The following LTF variants were observed in gnomAD, a reference collection of about 807,000 sequenced individuals.
LTF encodes the protein lactotransferrin.
LTF carries 91 observed loss-of-function variants against 87.2 expected under a neutral mutation model. That is an observed-to-expected ratio of 1.04 (90% confidence interval 0.88 to 1.24). The LOEUF is 1.24. Ranked by LOEUF, LTF falls within the 50% of genes most tolerant of loss-of-function variation. LTF has a pLI of 0.00. For missense variants in LTF, 901 were observed against 904.3 expected (o/e 1.00, Z 0.05); for synonymous variants, 378 against 356.1 (o/e 1.06, Z -0.69).
chr3:46,439,786 C>A (rs919550085), intron 14 of LTF, among the ~76,000 whole-genome samples: 1 of 152,136 alleles, frequency 6.6e-6, no homozygotes, highest in Non-Finnish European at 1.5e-5. Context: ...CACAAAAGAC[C>A]ACACAATAGG....
At chr3:46,484,411 C>T (rs892355445) in intron 1 of LTF, among the ~76,000 whole-genome samples, 7 of 152,184 alleles carry the variant, frequency 4.6e-5, no homozygotes, top group Admixed American at 2.0e-4. Context: ...CCATAATCCC[C>T]ATCTCACAGA....
intron 2 of LTF, among the ~76,000 whole-genome samples, chr3:46,458,491 A>G (rs922339715): frequency 1.3e-5 from 2 of 148,492 alleles, no homozygotes; most frequent in Non-Finnish European, 3.0e-5. Context: ...CTTCTTTCAC[A>G]TATATTCAGA....
chr3:46,438,326 G>C (rs776047328), intron 15 of LTF, among the ~76,000 whole-genome samples, 197 bp from the exon 16 acceptor site: 2 of 152,182 alleles, frequency 1.3e-5, no homozygotes, highest in Non-Finnish European at 2.9e-5. Context: ...GCCTTGGGCA[G>C]CATCCAGGCC....
upstream of LTF, chr3:46,465,053 A>T (rs113492172): frequency 4.7e-6 from 3 of 636,968 alleles, no homozygotes; most frequent in Admixed American, 9.1e-5. Flanking sequence ...GCAGGACAGG[A>T]CTCCACACCG....
Position 46,443,503 on chromosome 3 carries a change from C to T in LTF, c.1593G>A (p.Gln531=), listed in dbSNP as rs772112934. 1.2e-6 allele frequency: 2 copies of T among 1,614,088 alleles called. No homozygotes were observed. Among genetic ancestry groups the T allele is most frequent in the Admixed American group, 1.7e-5 (1 of 60,010 alleles). ...TGTTGGGCACGCACTTATTCTCACCCTGCTCGTCGCCAATACACAGAGCAC... is the reference window on the plus strand; with the variant it reads ...TGTTGGGCACGCACTTATTCTCACCTTGCTCGTCGCCAATACACAGAGCAC... ...NLCALCIGDE[Q]GENKCVPNSN... is the part of the protein sequence containing the mutation. Residue 531 remains glutamine, a synonymous_variant, in exon 13 of 17, where the codon CAG becomes CAA. Coordinates refer to ENST00000231751, the MANE Select transcript of LTF (RefSeq NM_002343.6).
At chr3:46,452,599 A>G (rs927895564) in intron 6 of LTF, among the ~76,000 whole-genome samples, 18 of 152,194 alleles carry the variant, frequency 1.2e-4, no homozygotes, top group Admixed American at 1.2e-3. Flanking sequence ...TCTTCCTCTC[A>G]CTGGCTCTCT....
chr3:46,471,750 C>T (rs1000579003), intron 1 of LTF, among the ~76,000 whole-genome samples: 13 of 152,206 alleles, frequency 8.5e-5, no homozygotes, highest in Non-Finnish European at 1.8e-4. Context: ...GCACCCAGCA[C>T]CTGCCTGCAG....
intron 2 of LTF, among the ~76,000 whole-genome samples, chr3:46,456,802 C>T (rs1027619914): frequency 6.6e-6 from 1 of 152,118 alleles, no homozygotes; most frequent in Non-Finnish European, 1.5e-5. Flanking sequence ...AAACCATGTT[C>T]CTCCGCTTCA....
chr3:46,478,407 G>A (rs1463780412), intron 1 of LTF, among the ~76,000 whole-genome samples: 1 of 152,202 alleles, frequency 6.6e-6, no homozygotes, highest in Non-Finnish European at 1.5e-5. Flanking sequence ...AGAGGCTGAA[G>A]GTCGCTATGT....
chr3:46,447,423 G>A (rs1456369700), intron 9 of LTF, 25 bp from the exon 10 acceptor site: 57 of 1,529,032 alleles, frequency 3.7e-5, no homozygotes, highest in Non-Finnish European at 5.0e-5. Flanking sequence ...CAGATCTCCA[G>A]CACCACAGTG....
At chr3:46,482,448 C>T (rs1283594714) in intron 1 of LTF, among the ~76,000 whole-genome samples, 1 of 134,924 alleles carries the variant, frequency 7.4e-6, no homozygotes, top group African/African-American at 2.8e-5. Context: ...CCAGCCTGGA[C>T]ATTAAAGTGA....
At chr3:46,467,646 T>TTTC (rs1447404139), upstream of LTF, among the ~76,000 whole-genome samples, 217 of 28,482 alleles carry the variant, frequency 7.6e-3, no homozygotes, top group Middle Eastern at 0.081. Flanking sequence ...TTTCTTTTCT[T>TTTC]TTTTTTTTTT....
At chr3:46,463,743 T>G in intron 1 of LTF, 1 of 717,288 alleles carries the variant, frequency 1.4e-6, no homozygotes, top group African/African-American at 1.9e-5. Context: ...GCCCTAACCC[T>G]GTGCAACAGG....
rs775487121 is a variant in LTF at position 46,449,895 on chromosome 3, A to G, written c.1016T>C (p.Leu339Pro). 3 of 1,614,158 alleles carry G rather than the reference A, an allele frequency of 1.9e-6. No individual in the cohort carries two copies. The Admixed American group carries it at 5.0e-5, about 27-fold the overall frequency. ...VPPRIDSGLY[L>P]GSGYFTAIQN... Reference sequence around the variant, plus strand: ...GATGGCAGTGAAGTAGCCGGAGCCAAGGTACAGCCCAGAATCTATCCTCGG... The same window carrying G: ...GATGGCAGTGAAGTAGCCGGAGCCAGGGTACAGCCCAGAATCTATCCTCGG... The change falls in exon 8 of 17, where the codon CTT (leucine) becomes CCT (proline). Residue 339 changes from leucine (L) to proline (P), a missense_variant. Physicochemically the swap from Leu to Pro is moderately conservative, Grantham distance 98. Coordinates refer to ENST00000231751, the MANE Select transcript of LTF (RefSeq NM_002343.6).
At chr3:46,459,856 C>G in intron 1 of LTF, 37 bp from the exon 2 acceptor site, 1 of 1,470,960 alleles carries the variant, frequency 6.8e-7, no homozygotes, top group Non-Finnish European at 9.0e-7. Context: ...GATTCAACCA[C>G]TGACTGAGGG....
rs1300965805 is a variant in LTF, at chr3:46,459,689, T to A, written c.174A>T (p.Arg58Ser). The A allele has an allele frequency of 3.9e-6, 6 of 1,557,896 alleles. No individual in the cohort carries two copies. The highest frequency in any genetic ancestry group is 1.2e-5 in the South Asian group (1 of 82,226). Residue 58 changes from arginine (R) to serine (S), a missense_variant, in exon 2 of 17, where the codon AGA becomes AGT. Arg to Ser is a moderately radical substitution (Grantham distance 110). Coordinates refer to ENST00000231751, the MANE Select transcript of LTF (RefSeq NM_002343.6). ...VRGPPVSCIK[R>S]DSPIQCIQAI... ...CCTGGATACACTGGATGGGGGAGTC[T>A]CTCTTTATGCAGCTGACAGGAGGGC...
intron 15 of LTF, among the ~76,000 whole-genome samples, chr3:46,438,970 G>C (rs918275649): frequency 3.9e-5 from 6 of 152,096 alleles, no homozygotes; most frequent in Non-Finnish European, 7.3e-5. Context: ...ATGCATGTGG[G>C]AGGAAGGCTC....
chr3:46,457,065 C>T (rs561146785), intron 2 of LTF, among the ~76,000 whole-genome samples: 4 of 152,266 alleles, frequency 2.6e-5, no homozygotes, highest in Admixed American at 1.3e-4. Flanking sequence ...AATCTAATGC[C>T]GCCGCTGATC....
chr3:46,461,614 T>G (rs2106899096), intron 1 of LTF, among the ~76,000 whole-genome samples: 1 of 152,322 alleles, frequency 6.6e-6, no homozygotes, highest in African/African-American at 2.4e-5. Context: ...GATTAGTGGT[T>G]GTCTGATGCT....
Sources: allele counts gnomAD v4.1 joint callset (sites outside exome capture counted in the v4.1 genomes callset), GRCh38; gene constraint gnomAD v4.1.1; transcripts MANE v1.5; gene names NCBI Gene and HGNC (gene_info 2026-07-23, HGNC 2026-07-21).